Variants in MARCHF6 observed in about 807,000 individuals in gnomAD.
MARCHF6 encodes the protein E3 ubiquitin-protein ligase MARCHF6.
MARCHF6 carries 31 observed loss-of-function variants against 133.7 expected under a neutral mutation model. That is an observed-to-expected ratio of 0.23 (90% CI 0.17 to 0.31). The LOEUF is 0.31. Among genes scored for constraint, MARCHF6 ranks in the 10% least tolerant of loss-of-function variants. The pLI is 1.00. For synonymous variants in MARCHF6, 395 were observed against 402.5 expected (o/e 0.98, Z 0.22); for missense variants, 723 against 1,121.6 (o/e 0.64, Z 5.08).
At chr5:10,369,862 G>A (rs1736362749) in intron 1 of MARCHF6, among the ~76,000 whole-genome samples, 1 of 151,986 alleles carries the variant, frequency 6.6e-6, no homozygotes, top group Admixed American at 6.6e-5. Context: ...TTGTAGGGAT[G>A]TACCAAAGTT....
chr5:10,367,665 A>G (rs925586544), intron 1 of MARCHF6, among the ~76,000 whole-genome samples: 10 of 152,172 alleles, frequency 6.6e-5, no homozygotes, highest in African/African-American at 2.4e-4. Flanking sequence ...CTTTGATGAA[A>G]TGGGCTGACT....
intron 18 of MARCHF6, among the ~76,000 whole-genome samples, 190 bp from the exon 19 acceptor site, chr5:10,411,143 A>G (rs570038795): frequency 1.3e-5 from 2 of 152,344 alleles, no homozygotes; most frequent in African/African-American, 4.8e-5. Context: ...CTACAAGTTC[A>G]TTAACATTAG....
intron 6 of MARCHF6, among the ~76,000 whole-genome samples, chr5:10,391,057 A>G (rs975706021): frequency 2.0e-5 from 3 of 152,234 alleles, no homozygotes; most frequent in African/African-American, 7.2e-5. Flanking sequence ...CATCAGATAC[A>G]TTTAAAAAAG....
At chr5:10,363,147 G>C (rs569058629) in intron 1 of MARCHF6, among the ~76,000 whole-genome samples, 89 of 152,234 alleles carry the variant, frequency 5.8e-4, no homozygotes, top group Middle Eastern at 3.4e-3. Flanking sequence ...GATCTCTTAG[G>C]TATGACTCCA....
intron 22 of MARCHF6, among the ~76,000 whole-genome samples, chr5:10,423,416 A>T (rs1263727726): frequency 6.6e-6 from 1 of 152,262 alleles, no homozygotes. Flanking sequence ...GCCTAAAGAT[A>T]GTTTGAAATA....
intron 25 of MARCHF6, among the ~76,000 whole-genome samples, chr5:10,432,364 G>A (rs1457481271): frequency 1.3e-5 from 2 of 152,234 alleles, no homozygotes; most frequent in Non-Finnish European, 2.9e-5. Flanking sequence ...CCTGTCATGT[G>A]CAGGTTTCAC....
Position 10,400,793 on chromosome 5 carries a change from C to G in MARCHF6, c.923C>G (p.Pro308Arg), listed in dbSNP as rs771020601. Residue 308 changes from proline (P) to arginine (R), a missense_variant, in exon 11 of 26, where the codon CCT (proline) becomes CGT (arginine). By Grantham distance (103) the Pro-to-Arg change is moderately radical. This residue lies in a region of MARCHF6 where 43 missense variants were observed against 97.9 expected (regional missense o/e 0.44). Transcript: ENST00000274140. ...TLFILVFAFC[P>R]YHIGHFSLVG... is the part of the protein sequence containing the mutation. Reference sequence around the variant, plus strand: ...TTTTCCCCCTTTTTAGCATTTTGCCCTTACCATATTGGTCATTTCTCCCTT... The same window carrying G: ...TTTTCCCCCTTTTTAGCATTTTGCCGTTACCATATTGGTCATTTCTCCCTT... The G allele has an allele frequency of 6.2e-7, 1 of 1,612,464 alleles. No individual in the cohort carries two copies. The highest frequency in any genetic ancestry group is 8.5e-7 in the Non-Finnish European group (1 of 1,178,714).
chr5:10,431,278 C>G (rs1740344679), intron 25 of MARCHF6, among the ~76,000 whole-genome samples: 2 of 152,146 alleles, frequency 1.3e-5, no homozygotes, highest in Admixed American at 1.3e-4. Flanking sequence ...TCTTAGCACT[C>G]AACTTTTTGG....
intron 1 of MARCHF6, 138 bp downstream of exon 1, chr5:10,354,055 TCTGGGCCG>T (rs1735279088): frequency 1.2e-6 from 1 of 831,874 alleles, no homozygotes; most frequent in East Asian, 3.4e-5. Context: ...CCGCTGGGCC[TCTGGGCCG>T]GGGAGCGGAA....
chr5:10,375,172 C>T (rs541987391), intron 1 of MARCHF6, among the ~76,000 whole-genome samples: 40 of 152,298 alleles, frequency 2.6e-4, no homozygotes, highest in African/African-American at 7.5e-4. Context: ...GAGGCGCGAG[C>T]GGGAACTGGG....
At position 10,421,072 on chromosome 5, in the gene MARCHF6, T is replaced by G. The variant is rs115356799; in HGVS notation, c.2284-2663T>G. On this transcript the variant is annotated intron_variant, in intron 22 of 25. Transcript: ENST00000274140. ...AAATGCAACTTGTTCTAGTTATACTTGTATTTTTGGTGGTCTTTACAGTAC... is the reference window on the plus strand; with the variant it reads ...AAATGCAACTTGTTCTAGTTATACTGGTATTTTTGGTGGTCTTTACAGTAC... 2.9e-3 allele frequency among the ~76,000 whole-genome samples: 446 copies of G among 152,348 alleles called. 1 individual carries two copies. The highest frequency in any genetic ancestry group is 9.8e-3 in the African/African-American group (406 of 41,588).
At chr5:10,414,624 C>T (rs1739404794) in intron 20 of MARCHF6, 122 bp downstream of exon 20, 1 of 710,820 alleles carries the variant, frequency 1.4e-6, no homozygotes, top group South Asian at 1.9e-5. Flanking sequence ...CTTACTGCAG[C>T]CTTGAACTAC....
chr5:10,391,833 GTTCTAT>G, intron 7 of MARCHF6, 102 bp downstream of exon 7: 1 of 1,184,438 alleles, frequency 8.4e-7, no homozygotes. Flanking sequence ...ATGTTGTGAA[GTTCTAT>G]TTCTAACTTA....
chr5:10,354,047 G>A (rs1735278354), intron 1 of MARCHF6, 130 bp downstream of exon 1: 34 of 913,234 alleles, frequency 3.7e-5, no homozygotes, highest in Non-Finnish European at 5.0e-5. Context: ...TTGTCCACCC[G>A]CTGGGCCTCT....
chr5:10,413,974 A>G (rs1422234813), intron 19 of MARCHF6, among the ~76,000 whole-genome samples: 1 of 152,230 alleles, frequency 6.6e-6, no homozygotes, highest in East Asian at 1.9e-4. Context: ...TAAAAATTTC[A>G]TTACTCATTT....
At chr5:10,367,616 T>C (rs978702478) in intron 1 of MARCHF6, among the ~76,000 whole-genome samples, 3 of 152,208 alleles carry the variant, frequency 2.0e-5, no homozygotes, top group African/African-American at 7.2e-5. Flanking sequence ...TACTAGGCAC[T>C]TAGGATAAAT....
At chr5:10,354,734 C>G (rs1045698317) in intron 1 of MARCHF6, 2 of 152,138 alleles carry the variant, frequency 1.3e-5, no homozygotes, top group Non-Finnish European at 2.9e-5. Context: ...GAGGAAATTA[C>G]TAAATTTTGC....
intron 8 of MARCHF6, 122 bp from the exon 9 acceptor site, chr5:10,394,631 G>A: frequency 1.4e-6 from 1 of 704,294 alleles, no homozygotes; most frequent in Non-Finnish European, 2.4e-6. Context: ...GTATTGGAAA[G>A]TATAGGAAGT....
chr5:10,358,751 GAA>G (rs971336334), intron 1 of MARCHF6, among the ~76,000 whole-genome samples: 1 of 152,110 alleles, frequency 6.6e-6, no homozygotes, highest in African/African-American at 2.4e-5. Flanking sequence ...GAAATAGTGA[GAA>G]AGTTAAAAAG....
Sources: allele counts gnomAD v4.1 joint callset (sites outside exome capture counted in the v4.1 genomes callset), GRCh38; gene constraint gnomAD v4.1.1; regional missense constraint gnomAD v4.1.1; transcripts MANE v1.5; gene names NCBI Gene and HGNC (gene_info 2026-07-23, HGNC 2026-07-21).